The following ECI1 variants were observed in gnomAD, a reference collection of about 807,000 sequenced individuals.
ECI1 encodes enoyl-CoA delta isomerase 1, mitochondrial.
ECI1 carries 34 observed loss-of-function variants against 34.2 expected under a neutral mutation model. That is an observed-to-expected ratio of 1.00 (90% confidence interval 0.76 to 1.33). The LOEUF (loss-of-function observed/expected upper bound fraction) is 1.33. Ranked by LOEUF, ECI1 falls within the 40% of genes most tolerant of loss-of-function variation. ECI1 has a pLI of 0.00. For missense variants in ECI1, 456 were observed against 422.2 expected, an observed-to-expected ratio of 1.08 and a Z score of -0.70; for synonymous variants, 211 against 193.0, an observed-to-expected ratio of 1.09 and a Z score of -0.77.
At position 2,245,694 on chromosome 16, in the gene ECI1, C is replaced by G. The variant is rs1289849036; in HGVS notation, c.295-1142G>C. On this transcript the variant is annotated intron_variant, in intron 3 of 6. Transcript: ENST00000301729. ...CAGCCTGGGCAACATAGCAAGACCCCGCCTGTACAAAAAAGTAAAAATTAA... is the reference window on the plus strand; with the variant it reads ...CAGCCTGGGCAACATAGCAAGACCCGGCCTGTACAAAAAAGTAAAAATTAA... Among the ~76,000 whole-genome samples the G allele has an allele frequency of 5.9e-5, 9 of 151,874 alleles. No homozygotes were observed. The East Asian group carries it at 1.7e-3, about 29-fold the overall frequency.
chr16:2,245,527 G>C (rs2093538351), intron 3 of ECI1, among the ~76,000 whole-genome samples: 1 of 152,218 alleles, frequency 6.6e-6, no homozygotes, highest in South Asian at 2.1e-4. Flanking sequence ...GCACAGAATG[G>C]GTAGGCCGGT....
intron 2 of ECI1, 37 bp from the exon 3 acceptor site, chr16:2,247,023 G>A (rs1210855575): frequency 6.2e-7 from 1 of 1,607,856 alleles, no homozygotes; most frequent in Non-Finnish European, 8.5e-7. Flanking sequence ...CTCACACCTG[G>A]CACTGGAAAA....
intron 2 of ECI1, among the ~76,000 whole-genome samples, chr16:2,248,372 T>A (rs2093545293): frequency 6.6e-6 from 1 of 152,008 alleles, no homozygotes; most frequent in Non-Finnish European, 1.5e-5. Flanking sequence ...GTGCTGGGAT[T>A]ACAGGTGTGA....
At chr16:2,248,502 C>T (rs1009422446) in intron 2 of ECI1, among the ~76,000 whole-genome samples, 8 of 151,984 alleles carry the variant, frequency 5.3e-5, no homozygotes, top group African/African-American at 1.5e-4. Context: ...GCAACCTCTG[C>T]CTCCTGGGTT....
intron 3 of ECI1, among the ~76,000 whole-genome samples, chr16:2,246,553 C>T (rs528558539): frequency 1.0e-3 from 155 of 152,270 alleles, no homozygotes; most frequent in African/African-American, 3.5e-3. Flanking sequence ...AGGCTGTCTC[C>T]CGGGAAGGGC....
chr16:2,247,046 G>A, intron 2 of ECI1, 60 bp from the exon 3 acceptor site: 1 of 1,591,820 alleles, frequency 6.3e-7, no homozygotes, highest in South Asian at 1.1e-5. Flanking sequence ...AGCCTGACCA[G>A]CCTGCACCCT....
intron 4 of ECI1, 103 bp from the exon 5 acceptor site, chr16:2,243,542 G>A (rs749148288): frequency 8.5e-5 from 122 of 1,437,000 alleles, no homozygotes; most frequent in Middle Eastern, 2.4e-4. Context: ...GGCGCACCCC[G>A]ACCCCCGCAG....
chr16:2,247,711 T>C (rs1220922547), intron 2 of ECI1, among the ~76,000 whole-genome samples: 1 of 151,964 alleles, frequency 6.6e-6, no homozygotes, highest in African/African-American at 2.4e-5. Context: ...GGGTTATTTT[T>C]TTATTATTAT....
At chr16:2,249,776 G>A (rs867655990) in intron 2 of ECI1, among the ~76,000 whole-genome samples, 14 of 149,158 alleles carry the variant, frequency 9.4e-5, no homozygotes, top group Non-Finnish European at 1.6e-4. Flanking sequence ...TACTTGGGCG[G>A]CTGAGGTAGA....
intron 6 of ECI1, 187 bp downstream of exon 6, chr16:2,242,859 C>A (rs916225134): frequency 2.7e-5 from 17 of 627,264 alleles, no homozygotes; most frequent in Admixed American, 1.4e-4. Flanking sequence ...TCTCCAGCAC[C>A]GTGAGATGAG....
rs376966589 is a variant in ECI1 at position 2,243,178 on chromosome 16, G to A, written c.610C>T (p.Arg204Cys). The A allele has an allele frequency of 4.6e-5, 74 of 1,608,632 alleles. No individual in the cohort carries two copies. In the Middle Eastern group the frequency reaches 1.4e-3, roughly 29 times the overall value. The part of the protein sequence containing the change: ...ENTIGHRAAE[R>C]ALQLGLLFPP... ...AAGAGCAGCCCCAGCTGCAGGGCAC[G>A]CTCCGCCGCCCGGTGCCCGATGGTG... is the stretch of plus-strand genomic sequence containing the variant. The change falls in exon 6 of 7, where the codon CGT (arginine) becomes TGT (cysteine). Residue 204 changes from arginine (R) to cysteine (C), a missense_variant. By Grantham distance (180) the Arg-to-Cys change is radical. Coordinates refer to ENST00000301729, the MANE Select transcript of ECI1 (RefSeq NM_001919.4).
intron 6 of ECI1, chr16:2,241,738 C>G (rs891472116): frequency 3.3e-5 from 5 of 152,046 alleles, no homozygotes; most frequent in African/African-American, 1.2e-4. Context: ...GTCACCCAGG[C>G]TGGGGTACAA....
chr16:2,243,655 G>A (rs947984239), intron 4 of ECI1, among the ~76,000 whole-genome samples: 1 of 152,188 alleles, frequency 6.6e-6, no homozygotes, highest in Non-Finnish European at 1.5e-5. Flanking sequence ...TCTGAGGCTC[G>A]TCCTCAGCCG....
At chr16:2,242,049 AG>A (rs539119391) in intron 6 of ECI1, among the ~76,000 whole-genome samples, 40 of 151,962 alleles carry the variant, frequency 2.6e-4, no homozygotes, top group Non-Finnish European at 5.0e-4. Flanking sequence ...TAGTAGAGAC[AG>A]GGTTTCACCG....
intron 2 of ECI1, among the ~76,000 whole-genome samples, chr16:2,248,214 A>G (rs1013611489): frequency 6.6e-6 from 1 of 151,678 alleles, no homozygotes; most frequent in African/African-American, 2.4e-5. Flanking sequence ...CTCCTGCCTC[A>G]GCCTCCTGAG....
At chr16:2,249,214 T>G (rs969001207) in intron 2 of ECI1, among the ~76,000 whole-genome samples, 1 of 151,566 alleles carries the variant, frequency 6.6e-6, no homozygotes, top group Non-Finnish European at 1.5e-5. Flanking sequence ...CCCGGCTAAT[T>G]TTTTTTTGTA....
intron 4 of ECI1, 136 bp from the exon 5 acceptor site, chr16:2,243,575 G>A: frequency 9.5e-7 from 1 of 1,057,168 alleles, no homozygotes; most frequent in Non-Finnish European, 1.4e-6. Context: ...ACAATGGTCT[G>A]GGCTGGGCTG....
chr16:2,250,359 G>C (rs1397705105), intron 2 of ECI1, among the ~76,000 whole-genome samples: 1 of 151,416 alleles, frequency 6.6e-6, no homozygotes, highest in Admixed American at 6.6e-5. Context: ...CCTCAGCCCA[G>C]ACAGAGAGGA....
At chr16:2,244,012 A>G in intron 4 of ECI1, 1 of 346,394 alleles carries the variant, frequency 2.9e-6, no homozygotes, top group Non-Finnish European at 5.6e-6. Flanking sequence ...ACCCCGCAGG[A>G]CACCCTGGTT....
Sources: allele counts gnomAD v4.1 joint callset (sites outside exome capture counted in the v4.1 genomes callset), GRCh38; gene constraint gnomAD v4.1.1; transcripts MANE v1.5; gene names NCBI Gene and HGNC (gene_info 2026-07-23, HGNC 2026-07-21).